Variants in AMD1 observed in about 807,000 individuals in gnomAD.
AMD1 encodes the protein adenosylmethionine decarboxylase 1, also known as S-adenosylmethionine decarboxylase proenzyme.
Under a neutral mutation model 40.2 loss-of-function variants are expected in AMD1, and 11 were observed. The ratio of observed to expected loss-of-function variants is 0.27; its 90% CI spans 0.17 to 0.45. AMD1 has a LOEUF of 0.45. Among genes scored for constraint, AMD1 ranks in the 20% least tolerant of loss-of-function variants. AMD1 has a pLI of 1.00. For synonymous variants in AMD1, 121 were observed against 130.8 expected (o/e 0.93, Z 0.51); for missense variants, 257 against 410.2 (o/e 0.63, Z 3.23).
the AMD1 span, among the ~76,000 whole-genome samples, chr6:110,854,098 G>A: frequency 1.3e-5 from 2 of 151,886 alleles, no homozygotes; most frequent in East Asian, 3.9e-4. Flanking sequence ...GTTTTGGGTG[G>A]TGGTTTTTGT....
the AMD1 span, among the ~76,000 whole-genome samples, chr6:110,846,500 A>G: frequency 6.6e-5 from 10 of 152,356 alleles, no homozygotes; most frequent in African/African-American, 2.4e-4. Flanking sequence ...CATTGTATAA[A>G]TTAACATTTA....
At chr6:110,862,711 C>T in the AMD1 span, among the ~76,000 whole-genome samples, 13 of 149,862 alleles carry the variant, frequency 8.7e-5, no homozygotes, top group Non-Finnish European at 1.8e-4. Flanking sequence ...CTCAAGTGAT[C>T]TGCCTGCCTC....
In AMD1 at chr6:110,892,643, C is replaced by T. The variant is rs184968762; in HGVS notation, c.616-92C>T. On this transcript the variant is annotated intron_variant, in intron 6 of 8. Coordinates refer to ENST00000368885, the MANE Select transcript of AMD1 (RefSeq NM_001634.6). ...TACCCATTAGTTATTTTTCCTGGTC[C>T]TCTCCCTTCTCCCACCCTGGGACTA... is the stretch of plus-strand genomic sequence containing the variant. 5.8e-5 allele frequency: 85 copies of T among 1,478,166 alleles called. No individual in the cohort carries two copies. The African/African-American group carries it at 8.1e-4, about 14-fold the overall frequency. The allele number at this position is 1,478,166 out of a possible 1,614,324, so 91.6% of individuals were successfully genotyped here.
Position 110,891,952 on chromosome 6 carries a change from A to G in AMD1, c.428-209A>G. The G allele has an allele frequency of 5.0e-6, 3 of 602,748 alleles. No individual in the cohort carries two copies. In the East Asian group the frequency reaches 8.4e-5, roughly 17 times the overall value. 37.3% of individuals were successfully genotyped at this position (602,748 alleles called of 1,614,324 possible). ...GCGATGGGGTTTCATCATGTTGGCC[A>G]GGCTCGAACTCTTGACCTCAAGCCC... On this transcript the variant is annotated intron_variant, in intron 4 of 8. Coordinates refer to ENST00000368885, the MANE Select transcript of AMD1 (RefSeq NM_001634.6).
chr6:110,821,315 C>T, the AMD1 span, among the ~76,000 whole-genome samples: 37 of 152,194 alleles, frequency 2.4e-4, no homozygotes, highest in African/African-American at 8.9e-4. Context: ...CACACTGAGA[C>T]AAGCCGGGCA....
At chr6:110,888,654 G>T in intron 2 of AMD1, 4 of 397,174 alleles carry the variant, frequency 1.0e-5, no homozygotes, top group Non-Finnish European at 1.3e-5. Context: ...ATATACGAAT[G>T]TTTATCAAAA....
the AMD1 span, among the ~76,000 whole-genome samples, chr6:110,841,950 G>A: frequency 7.9e-5 from 12 of 152,116 alleles, no homozygotes; most frequent in Admixed American, 5.9e-4. Context: ...CTACAGGTGT[G>A]CACCACCACG....
At chr6:110,847,666 C>T in the AMD1 span, among the ~76,000 whole-genome samples, 3 of 151,896 alleles carry the variant, frequency 2.0e-5, no homozygotes, top group African/African-American at 7.2e-5. Flanking sequence ...CTTATCCTAT[C>T]TACAAAATTC....
the AMD1 span, among the ~76,000 whole-genome samples, chr6:110,854,923 G>A: frequency 7.9e-5 from 12 of 152,150 alleles, no homozygotes; most frequent in African/African-American, 2.7e-4. Flanking sequence ...TTGCTGAGTT[G>A]AAAACTACAA....
the AMD1 span, among the ~76,000 whole-genome samples, chr6:110,857,637 T>A: frequency 2.8e-5 from 4 of 142,676 alleles, no homozygotes; most frequent in South Asian, 8.6e-4. Context: ...TATATATAGA[T>A]GGTATATATA....
intron 1 of AMD1, among the ~76,000 whole-genome samples, chr6:110,879,510 A>G (rs1423345349): frequency 6.6e-6 from 1 of 152,224 alleles, no homozygotes; most frequent in African/African-American, 2.4e-5. Flanking sequence ...TCTTTGAACA[A>G]AAGGGAGGAG....
intron 3 of AMD1, 104 bp downstream of exon 3, chr6:110,889,087 A>T: frequency 7.2e-7 from 1 of 1,389,692 alleles, no homozygotes; most frequent in East Asian, 2.4e-5. Flanking sequence ...CTTTGTTACA[A>T]TGCATGCAAA....
chr6:110,860,493 T>A, the AMD1 span, among the ~76,000 whole-genome samples: 1 of 152,160 alleles, frequency 6.6e-6, no homozygotes, highest in South Asian at 2.1e-4. Flanking sequence ...TACCATTCTA[T>A]GTGATTAAAA....
chr6:110,853,849 C>A, the AMD1 span, among the ~76,000 whole-genome samples: 4 of 152,212 alleles, frequency 2.6e-5, no homozygotes, highest in African/African-American at 9.6e-5. Context: ...CATAATATTG[C>A]AGCTCTTCCA....
the AMD1 span, among the ~76,000 whole-genome samples, chr6:110,836,499 A>C: frequency 1.8e-4 from 28 of 152,290 alleles, no homozygotes; most frequent in Admixed American, 1.6e-3. Context: ...GAATATAAAA[A>C]ATTTGACAAA....
chr6:110,844,638 G>A, the AMD1 span, among the ~76,000 whole-genome samples: 7 of 151,744 alleles, frequency 4.6e-5, no homozygotes, highest in East Asian at 2.0e-4. Flanking sequence ...AAAATTAGCC[G>A]GGTGTGGTGG....
In AMD1 at chr6:110,894,798, T is replaced by C. The variant is rs2115318374; in HGVS notation, c.*1182T>C. ...GTGACTTAAAGTTCTGTGACTGTGA[T>C]GCATGTGAGTGTTCCGACTTCATCT... On this transcript the variant is annotated 3_prime_UTR_variant, in exon 9 of 9. Transcript: ENST00000368885. The C allele has an allele frequency of 6.6e-6, 1 of 152,334 alleles. No homozygotes were observed. The highest frequency in any genetic ancestry group is 1.5e-5 in the Non-Finnish European group (1 of 68,024). 9.4% of individuals were successfully genotyped at this position (152,334 alleles called of 1,614,324 possible).
At chr6:110,871,782 C>T (rs1235174276), upstream of AMD1, among the ~76,000 whole-genome samples, 1 of 152,058 alleles carries the variant, frequency 6.6e-6, no homozygotes, top group African/African-American at 2.4e-5. Context: ...GCAAGTGTCT[C>T]AAAGGTTTGA....
At chr6:110,861,242 C>T in the AMD1 span, among the ~76,000 whole-genome samples, 1 of 151,818 alleles carries the variant, frequency 6.6e-6, no homozygotes, top group Admixed American at 6.6e-5. Context: ...CCTGTAGTCC[C>T]AGCTACTCGG....
Sources: allele counts gnomAD v4.1 joint callset (sites outside exome capture counted in the v4.1 genomes callset), GRCh38; gene constraint gnomAD v4.1.1; transcripts MANE v1.5; gene names NCBI Gene and HGNC (gene_info 2026-07-23, HGNC 2026-07-21).